Variants in NT5C2 observed in about 807,000 individuals in gnomAD.
The protein encoded by NT5C2 is 5'-nucleotidase, cytosolic II.
NT5C2 carries 58 observed loss-of-function variants against 76.1 expected under a neutral mutation model. That is an observed-to-expected ratio of 0.76 (90% CI 0.62 to 0.95). The LOEUF is 0.95. NT5C2 is among the 40% of genes least tolerant of loss of function. The probability of loss-of-function intolerance (pLI) is 0.00; values close to 1 mark genes in which losing one functional copy is unlikely to be tolerated. For missense variants in NT5C2, 478 were observed against 690.3 expected (o/e 0.69, Z 3.45); for synonymous variants, 229 against 237.4 (o/e 0.96, Z 0.32).
At chr10:103,161,368 G>C (rs1320773287) in intron 3 of NT5C2, among the ~76,000 whole-genome samples, 3 of 152,034 alleles carry the variant, frequency 2.0e-5, no homozygotes, top group African/African-American at 7.2e-5. Context: ...TGTAGAGATG[G>C]GGTTTTGCTA....
At chr10:103,123,580 A>G (rs1060240) in intron 4 of NT5C2, among the ~76,000 whole-genome samples, 14,418 of 152,278 alleles carry the variant, frequency 0.095, 895 homozygotes, top group East Asian at 0.28. Context: ...TAAAAGGTAC[A>G]TTGTACATAA....
In NT5C2 at chr10:103,090,565, C is replaced by G. The variant is rs369463089; in HGVS notation, c.1449+46G>C. ...CATCTCACAAAGGTGGTTGCTGACCCTGGGCTTAGAGTACATCTTGGCTGT... is the reference window on the plus strand; with the variant it reads ...CATCTCACAAAGGTGGTTGCTGACCGTGGGCTTAGAGTACATCTTGGCTGT... On this transcript the variant is annotated intron_variant, in intron 18 of 18. Coordinates refer to ENST00000404739, the MANE Select transcript of NT5C2 (RefSeq NM_001351169.2). 13 of 1,559,148 alleles carry G rather than the reference C, an allele frequency of 8.3e-6. No individual in the cohort carries two copies. The Admixed American group carries it at 2.4e-4, about 29-fold the overall frequency.
intron 4 of NT5C2, among the ~76,000 whole-genome samples, chr10:103,107,392 T>C (rs2071570686): frequency 6.6e-6 from 1 of 152,170 alleles, no homozygotes; most frequent in Non-Finnish European, 1.5e-5. Context: ...ATTGAAGAAT[T>C]GGTCAGGCGT....
chr10:103,134,549 T>C (rs1190752223), intron 4 of NT5C2, among the ~76,000 whole-genome samples: 2 of 152,208 alleles, frequency 1.3e-5, no homozygotes, highest in African/African-American at 4.8e-5. Context: ...AGGCAGAAGT[T>C]TGCTGCCAGG....
chr10:103,178,023 T>C (rs2090336310), intron 2 of NT5C2, among the ~76,000 whole-genome samples: 1 of 152,240 alleles, frequency 6.6e-6, no homozygotes, highest in Non-Finnish European at 1.5e-5. Context: ...AATGGAATCA[T>C]ACAACATGTG....
chr10:103,160,110 C>G (rs1212932950), intron 3 of NT5C2, among the ~76,000 whole-genome samples: 2 of 152,176 alleles, frequency 1.3e-5, no homozygotes, highest in Non-Finnish European at 2.9e-5. Context: ...TCAAATGATA[C>G]TTGACATGGG....
intron 4 of NT5C2, among the ~76,000 whole-genome samples, chr10:103,136,994 A>T (rs72846103): frequency 0.042 from 6,369 of 152,262 alleles, 141 homozygotes; most frequent in Non-Finnish European, 0.052. Flanking sequence ...TAATCACCTC[A>T]GTTTTCAGTA....
chr10:103,159,462 T>C (rs1439135988), intron 3 of NT5C2, among the ~76,000 whole-genome samples: 1 of 151,880 alleles, frequency 6.6e-6, no homozygotes, highest in African/African-American at 2.4e-5. Flanking sequence ...CTGGACAACA[T>C]AGCAAGACCC....
chr10:103,120,930 G>A (rs1338021744), intron 4 of NT5C2, among the ~76,000 whole-genome samples: 1 of 152,092 alleles, frequency 6.6e-6, no homozygotes, highest in Non-Finnish European at 1.5e-5. Flanking sequence ...ATAAACAAAT[G>A]TATATACCTA....
At chr10:103,164,501 C>T (rs1178363224) in intron 3 of NT5C2, among the ~76,000 whole-genome samples, 1 of 152,094 alleles carries the variant, frequency 6.6e-6, no homozygotes, top group African/African-American at 2.4e-5. Flanking sequence ...TGTGATCCAC[C>T]TGCTTCAGCC....
intron 4 of NT5C2, among the ~76,000 whole-genome samples, chr10:103,138,309 C>T (rs2079689625): frequency 6.6e-6 from 1 of 152,128 alleles, no homozygotes; most frequent in Non-Finnish European, 1.5e-5. Flanking sequence ...GATACATATG[C>T]AGAATGTGCA....
rs575905600 is a variant in NT5C2, at chr10:103,118,685, T to A, written c.176-11979A>T. Among the ~76,000 whole-genome samples the A allele has an allele frequency of 3.3e-5, 5 of 152,262 alleles. No homozygotes were observed. The South Asian group carries it at 6.2e-4, about 19-fold the overall frequency. The stretch of plus-strand genomic sequence containing the variant: ...AATCATCACATTTCATCTTCACAAA[T>A]CTCCTTTAGGGGTTGAGTCCTTATG... On this transcript the variant is annotated intron_variant, in intron 4 of 18. Transcript: ENST00000404739.
chr10:103,099,247 G>A (rs1352818492), intron 9 of NT5C2, among the ~76,000 whole-genome samples: 1 of 152,134 alleles, frequency 6.6e-6, no homozygotes, highest in Admixed American at 6.5e-5. Context: ...CTAATTTTCT[G>A]TATTTCTTGT....
chr10:103,135,234 C>T (rs1280785627), intron 4 of NT5C2, among the ~76,000 whole-genome samples: 1 of 152,120 alleles, frequency 6.6e-6, no homozygotes, highest in African/African-American at 2.4e-5. Context: ...GTGTCCCCAC[C>T]CAAATCTCAT....
intron 3 of NT5C2, among the ~76,000 whole-genome samples, chr10:103,142,419 G>A (rs914437622): frequency 6.6e-6 from 1 of 152,140 alleles, no homozygotes. Flanking sequence ...GCTCACGCCT[G>A]TAATCCCAGT....
At chr10:103,148,110 T>C (rs1425738109) in intron 3 of NT5C2, among the ~76,000 whole-genome samples, 1 of 152,212 alleles carries the variant, frequency 6.6e-6, no homozygotes, top group African/African-American at 2.4e-5. Context: ...TGAAATGGAT[T>C]CTTAAAAATT....
At chr10:103,151,759 T>C (rs1041242441) in intron 3 of NT5C2, among the ~76,000 whole-genome samples, 1 of 152,148 alleles carries the variant, frequency 6.6e-6, no homozygotes, top group Admixed American at 6.5e-5. Flanking sequence ...ATGAAAACGG[T>C]GAATGTAAGA....
At chr10:103,117,918 G>C (rs1421423144) in intron 4 of NT5C2, among the ~76,000 whole-genome samples, 1 of 152,028 alleles carries the variant, frequency 6.6e-6, no homozygotes, top group Non-Finnish European at 1.5e-5. Context: ...AAAAAAGTAT[G>C]ACTATGTAGA....
intron 4 of NT5C2, chr10:103,111,867 CTG>C: frequency 9.4e-7 from 1 of 1,059,214 alleles, no homozygotes; most frequent in Non-Finnish European, 1.2e-6. Flanking sequence ...GGTTTTAAAA[CTG>C]TTGTGATGGG....
Sources: gnomAD v4.1 joint callset for allele counts (sites outside exome capture counted in the v4.1 genomes callset) on GRCh38, gnomAD v4.1.1 for gene constraint, MANE v1.5 for transcripts, NCBI Gene and HGNC (gene_info 2026-07-23, HGNC 2026-07-21) for gene names.